Variants in SCFD2 observed in about 807,000 individuals in gnomAD.
The protein encoded by SCFD2 is sec1 family domain containing 2.
In SCFD2, 54 loss-of-function variants were observed where a neutral mutation model predicts 58.9. The ratio of observed to expected loss-of-function variants is 0.92; its 90% CI spans 0.74 to 1.15. SCFD2 has a LOEUF of 1.15. Among genes scored for constraint, SCFD2 ranks in the 50% most tolerant of loss-of-function variants. SCFD2 has a pLI of 0.00. For missense variants in SCFD2, 805 were observed against 836.6 expected, an observed-to-expected ratio of 0.96 and a Z score of 0.47; for synonymous variants, 321 against 335.9, an observed-to-expected ratio of 0.96 and a Z score of 0.49.
chr4:53,251,208 C>T (rs1480516047), intron 4 of SCFD2, among the ~76,000 whole-genome samples: 3 of 152,116 alleles, frequency 2.0e-5, no homozygotes, highest in Non-Finnish European at 4.4e-5. Context: ...CTGAATGGAC[C>T]AATAACAGGA....
intron 4 of SCFD2, among the ~76,000 whole-genome samples, chr4:53,159,758 C>A (rs1345145010): frequency 1.3e-5 from 2 of 152,182 alleles, no homozygotes; most frequent in Non-Finnish European, 2.9e-5. Flanking sequence ...CAGGATGTCA[C>A]CATGCCATGA....
chr4:52,908,572 C>T (rs1057142420), intron 6 of SCFD2, among the ~76,000 whole-genome samples: 1 of 152,192 alleles, frequency 6.6e-6, no homozygotes, highest in Non-Finnish European at 1.5e-5. Context: ...CTTTCTCTCT[C>T]TGATTGGCCA....
chr4:53,149,288 G>GT (rs1726434387), intron 4 of SCFD2, among the ~76,000 whole-genome samples: 1 of 152,136 alleles, frequency 6.6e-6, no homozygotes, highest in Non-Finnish European at 1.5e-5. Context: ...TTTTTTAAAA[G>GT]TAAGAAAGTG....
At chr4:53,231,867 A>C (rs1190260315) in intron 4 of SCFD2, among the ~76,000 whole-genome samples, 1 of 152,110 alleles carries the variant, frequency 6.6e-6, no homozygotes, top group Non-Finnish European at 1.5e-5. Flanking sequence ...AAAATGTTAT[A>C]TATATATTAA....
At chr4:53,166,737 C>T (rs1238522692) in intron 4 of SCFD2, among the ~76,000 whole-genome samples, 3 of 150,230 alleles carry the variant, frequency 2.0e-5, no homozygotes, top group Admixed American at 2.0e-4. Context: ...CCAAGGCAGC[C>T]AGCAATCAAG....
At chr4:53,014,979 G>A (rs1404509440) in intron 5 of SCFD2, among the ~76,000 whole-genome samples, 2 of 152,192 alleles carry the variant, frequency 1.3e-5, no homozygotes, top group African/African-American at 2.4e-5. Flanking sequence ...CCACTAGAAC[G>A]TTTTACTGGT....
intron 5 of SCFD2, among the ~76,000 whole-genome samples, chr4:53,010,350 T>A (rs12643705): frequency 6.6e-6 from 1 of 152,132 alleles, no homozygotes. Context: ...TTCTTCAAGA[T>A]ACGACAAAAA....
At chr4:52,948,270 T>C (rs1044762769) in intron 5 of SCFD2, 2 of 278,846 alleles carry the variant, frequency 7.2e-6, no homozygotes, top group Non-Finnish European at 1.4e-5. Flanking sequence ...GGCACATGGC[T>C]CTTAATCAGC....
At chr4:53,335,100 G>T (rs139263136) in intron 2 of SCFD2, among the ~76,000 whole-genome samples, 1 of 147,434 alleles carries the variant, frequency 6.8e-6, no homozygotes, top group Non-Finnish European at 1.5e-5. Flanking sequence ...AATGACTGAG[G>T]CTCAAGAATT....
At chr4:53,281,138 C>T (rs1034387556) in intron 3 of SCFD2, among the ~76,000 whole-genome samples, 27 of 152,244 alleles carry the variant, frequency 1.8e-4, no homozygotes, top group Non-Finnish European at 3.7e-4. Context: ...ACAACCTCAA[C>T]TCGTCTTATA....
intron 4 of SCFD2, among the ~76,000 whole-genome samples, chr4:53,258,824 ACTAATTTACATT>A (rs1221874501): frequency 2.0e-5 from 3 of 151,998 alleles, no homozygotes; most frequent in Admixed American, 6.5e-5. Context: ...TAGTGGTTGT[ACTAATTTACATT>A]CTCAACAACA....
At chr4:52,943,605 C>A (rs1026809458) in intron 5 of SCFD2, among the ~76,000 whole-genome samples, 2 of 152,190 alleles carry the variant, frequency 1.3e-5, no homozygotes, top group African/African-American at 4.8e-5. Context: ...AGAAAACCAA[C>A]CCCCTCCATA....
intron 4 of SCFD2, among the ~76,000 whole-genome samples, chr4:53,213,990 C>A (rs903680040): frequency 5.3e-5 from 8 of 152,036 alleles, no homozygotes; most frequent in East Asian, 3.9e-4. Context: ...TGAACTCATC[C>A]TTTTTTATGG....
At chr4:53,040,905 T>C (rs1171775098) in intron 5 of SCFD2, among the ~76,000 whole-genome samples, 1 of 152,174 alleles carries the variant, frequency 6.6e-6, no homozygotes, top group East Asian at 1.9e-4. Context: ...CTTTCATGAA[T>C]GAGATAAAAC....
intron 4 of SCFD2, among the ~76,000 whole-genome samples, chr4:53,187,406 T>C (rs1445809995): frequency 6.6e-6 from 1 of 152,054 alleles, no homozygotes; most frequent in African/African-American, 2.4e-5. Context: ...ATAATTATTA[T>C]ACATCCATAA....
intron 4 of SCFD2, among the ~76,000 whole-genome samples, chr4:53,148,006 G>C (rs921436387): frequency 1.3e-5 from 2 of 152,030 alleles, no homozygotes; most frequent in African/African-American, 4.8e-5. Flanking sequence ...GGTCATGAAG[G>C]CTGCAGCTTT....
rs539048100 is a variant in SCFD2 at position 53,126,249 on chromosome 4, G to A, written c.1561+19084C>T. Among the ~76,000 whole-genome samples, 62 of 152,314 alleles carry A rather than the reference G, an allele frequency of 4.1e-4. No homozygotes were observed. The South Asian group carries it at 0.013, about 31-fold the overall frequency. On this transcript the variant is annotated intron_variant, in intron 5 of 8. Transcript: ENST00000401642. Reference sequence around the variant, plus strand: ...TTCTTCCATAATAATCGGTTGAAAGGAGAGGAGAGAAAGAAGATGAAAGAA... The same window carrying A: ...TTCTTCCATAATAATCGGTTGAAAGAAGAGGAGAGAAAGAAGATGAAAGAA...
intron 5 of SCFD2, among the ~76,000 whole-genome samples, chr4:52,991,509 G>A (rs921924826): frequency 6.6e-6 from 1 of 152,150 alleles, no homozygotes; most frequent in Non-Finnish European, 1.5e-5. Context: ...GAGGATCAAG[G>A]AAATTACACA....
At chr4:53,254,155 AATG>A (rs1730508592) in intron 4 of SCFD2, among the ~76,000 whole-genome samples, 1 of 152,130 alleles carries the variant, frequency 6.6e-6, no homozygotes, top group Non-Finnish European at 1.5e-5. Context: ...AGGCTGAATG[AATG>A]ATATGATTTG....
Sources: allele counts gnomAD v4.1 joint callset (sites outside exome capture counted in the v4.1 genomes callset), GRCh38; gene constraint gnomAD v4.1.1; transcripts MANE v1.5; gene names NCBI Gene and HGNC (gene_info 2026-07-23, HGNC 2026-07-21).